Variants in DHTKD1 observed in about 807,000 individuals in gnomAD.
DHTKD1 encodes the protein 2-oxoadipate dehydrogenase complex component E1.
DHTKD1 carries 78 observed loss-of-function variants against 101.8 expected under a neutral mutation model. The observed-to-expected ratio is 0.77, with a 90% CI of 0.64 to 0.93. DHTKD1 has a LOEUF of 0.93. Ranked by LOEUF, DHTKD1 falls within the 40% of genes least tolerant of loss-of-function variation. DHTKD1 has a pLI of 0.00. For missense variants in DHTKD1, 1,223 were observed against 1,161.7 expected (o/e 1.05, Z -0.77); for synonymous variants, 462 against 450.3 (o/e 1.03, Z -0.33).
chr10:12,102,675 G>A (rs1234721220), intron 10 of DHTKD1, among the ~76,000 whole-genome samples: 2 of 152,084 alleles, frequency 1.3e-5, no homozygotes, highest in Non-Finnish European at 2.9e-5. Flanking sequence ...AATGCCTTGT[G>A]TCTGTTTTGT....
At chr10:12,085,398 A>G (rs905486134) in intron 3 of DHTKD1, among the ~76,000 whole-genome samples, 1 of 152,198 alleles carries the variant, frequency 6.6e-6, no homozygotes, top group Admixed American at 6.5e-5. Flanking sequence ...ACAACAGATC[A>G]TATAACACAC....
At chr10:12,069,684 CTTTTTTTTTT>C (rs11292752) in intron 1 of DHTKD1, among the ~76,000 whole-genome samples, 54 of 25,484 alleles carry the variant, frequency 2.1e-3, no homozygotes, top group African/African-American at 4.7e-3. Flanking sequence ...CCACGCCCAG[CTTTTTTTTTT>C]TTTTTTTTTT....
rs1490939558 is a variant in DHTKD1 at position 12,112,923 on chromosome 10, G to C, written c.2178G>C (p.Gly726=). The C allele has an allele frequency of 9.3e-6, 15 of 1,609,874 alleles. No individual in the cohort carries two copies. Among genetic ancestry groups the C allele is most frequent in the African/African-American group, 1.3e-5 (1 of 74,708 alleles). Residue 726 remains glycine (G), a synonymous_variant, in exon 13 of 17, where the codon GGG becomes GGC. Coordinates refer to ENST00000263035, the MANE Select transcript of DHTKD1 (RefSeq NM_018706.7). ...FLQMCDSAEE[G]VDGDTVNMFV... ...AGATGTGTGACAGTGCGGAAGAGGG[G>C]GTGGACGGAGACACTGTGAACATGT... is the stretch of plus-strand genomic sequence containing the variant.
At chr10:12,079,355 G>C (rs1335783322) in intron 1 of DHTKD1, among the ~76,000 whole-genome samples, 1 of 152,168 alleles carries the variant, frequency 6.6e-6, no homozygotes, top group African/African-American at 2.4e-5. Flanking sequence ...GTAGAGCCCA[G>C]GGAAGAATAT....
chr10:12,079,984 A>T (rs1564388559), intron 1 of DHTKD1, among the ~76,000 whole-genome samples: 2 of 152,188 alleles, frequency 1.3e-5, no homozygotes, highest in Admixed American at 6.5e-5. Context: ...TGCTACAAGT[A>T]AAGAGGTGTG....
At chr10:12,084,463 C>A in intron 2 of DHTKD1, 77 bp from the exon 3 acceptor site, 1 of 948,376 alleles carries the variant, frequency 1.1e-6, no homozygotes, top group South Asian at 1.5e-5. Context: ...GAAGAAAATA[C>A]AGTATATAAT....
At chr10:12,097,057 A>G (rs1833081692) in intron 7 of DHTKD1, among the ~76,000 whole-genome samples, 1 of 152,204 alleles carries the variant, frequency 6.6e-6, no homozygotes, top group African/African-American at 2.4e-5. Context: ...TTCATTTATT[A>G]AATTAATTTA....
At chr10:12,089,931 A>G (rs1832960782) in intron 5 of DHTKD1, among the ~76,000 whole-genome samples, 1 of 151,340 alleles carries the variant, frequency 6.6e-6, no homozygotes, top group Admixed American at 6.6e-5. Flanking sequence ...TCAGCCTCCC[A>G]AAGTGCTGAG....
intron 1 of DHTKD1, among the ~76,000 whole-genome samples, chr10:12,071,254 T>TA (rs1832646001): frequency 6.6e-6 from 1 of 152,144 alleles, no homozygotes; most frequent in Admixed American, 6.6e-5. Context: ...GTCCAAAACT[T>TA]AGTCACATGG....
chr10:12,092,630 C>T (rs1055244734), intron 6 of DHTKD1, among the ~76,000 whole-genome samples: 1 of 151,704 alleles, frequency 6.6e-6, no homozygotes, highest in Non-Finnish European at 1.5e-5. Flanking sequence ...ATAGAGAAAC[C>T]CCGTCTCTAA....
Position 12,089,218 on chromosome 10 carries a change from A to G in DHTKD1, c.950A>G (p.Asn317Ser). ...SRQDGDYSPD[N>S]SAQPGDRVIC... ...CAAGACGGCGATTACTCTCCAGACA[A>G]CTCAGCCCAGCCGGGGGACAGGGTC... The change falls in exon 5 of 17, where the codon AAC becomes AGC. Residue 317 changes from asparagine (N) to serine (S), a missense_variant. By Grantham distance (46) the Asn-to-Ser change is conservative. Coordinates refer to ENST00000263035, the MANE Select transcript of DHTKD1 (RefSeq NM_018706.7). 1 of 1,614,114 alleles carries G rather than the reference A, an allele frequency of 6.2e-7. No individual in the cohort carries two copies. Among genetic ancestry groups the G allele is most frequent in the Non-Finnish European group, 8.5e-7 (1 of 1,180,022 alleles).
rs775438065 is a variant in DHTKD1, at chr10:12,112,920, G to C, written c.2175G>C (p.Glu725Asp). ...RFLQMCDSAE[E>D]GVDGDTVNMF... ...CCCAGATGTGTGACAGTGCGGAAGA[G>C]GGGGTGGACGGAGACACTGTGAACA... The change falls in exon 13 of 17, where the codon GAG (glutamate) becomes GAC (aspartate). Residue 725 changes from glutamate to aspartate, a missense_variant. By Grantham distance (45) the Glu-to-Asp change is conservative. Transcript: ENST00000263035. 3 of 1,609,510 alleles carry C rather than the reference G, an allele frequency of 1.9e-6. No homozygotes were observed. Among genetic ancestry groups the C allele is most frequent in the African/African-American group, 1.3e-5 (1 of 74,724 alleles).
At position 12,122,197 on chromosome 10, in the gene DHTKD1, T is replaced by C. The variant is rs1833538521; in HGVS notation, c.*1309T>C. The C allele has an allele frequency of 6.6e-6, 1 of 152,224 alleles. No homozygotes were observed. Among genetic ancestry groups the C allele is most frequent in the African/African-American group, 2.4e-5 (1 of 41,470 alleles). 9.4% of individuals were successfully genotyped at this position (152,224 alleles called of 1,614,324 possible). Reference sequence around the variant, plus strand: ...GCCGTAAACTTGTTTTTCTTTAAATTGTTCTTACAGTGATATCTTACTATT... The same window carrying C: ...GCCGTAAACTTGTTTTTCTTTAAATCGTTCTTACAGTGATATCTTACTATT... On this transcript the variant is annotated 3_prime_UTR_variant, in exon 17 of 17. Coordinates refer to ENST00000263035, the MANE Select transcript of DHTKD1 (RefSeq NM_018706.7).
At chr10:12,093,992 G>C in intron 6 of DHTKD1, 81 bp from the exon 7 acceptor site, 5 of 1,236,864 alleles carry the variant, frequency 4.0e-6, no homozygotes, top group Non-Finnish European at 5.9e-6. Context: ...GCTGTCTTTT[G>C]ATGCAGGAAG....
chr10:12,079,813 C>G (rs916732047), intron 1 of DHTKD1, among the ~76,000 whole-genome samples: 27 of 152,140 alleles, frequency 1.8e-4, no homozygotes, highest in Admixed American at 4.6e-4. Flanking sequence ...AAAATAGAAC[C>G]CTTAGCAATT....
rs545223468 is a variant in DHTKD1, at chr10:12,086,185, T to A, written c.523-1350T>A. Among the ~76,000 whole-genome samples the A allele has an allele frequency of 8.0e-4, 120 of 150,804 alleles. 2 individuals carry two copies. Among genetic ancestry groups the A allele is most frequent in the Middle Eastern group, 6.9e-3 (2 of 290 alleles). The stretch of plus-strand genomic sequence containing the variant: ...ACCTGGCCTTTTAAACAAAATTTTT[T>A]AAAAATTTATTTAAAATTTATTTTT... On this transcript the variant is annotated intron_variant, in intron 3 of 16. Transcript: ENST00000263035.
Position 12,100,307 on chromosome 10 carries a change from T to G in DHTKD1, c.1756+45T>G, listed in dbSNP as rs183780690. On this transcript the variant is annotated intron_variant, in intron 9 of 16. Coordinates refer to ENST00000263035, the MANE Select transcript of DHTKD1 (RefSeq NM_018706.7). ...TTTCTGTTTTTTTTTTTTTTGAGTC[T>G]CACCCTGTCGCCCAGGCTGGAATGC... 6.4e-4 allele frequency: 579 copies of G among 910,088 alleles called. 9 individuals carry two copies. In the Admixed American group the frequency reaches 0.011, roughly 17 times the overall value. The allele number at this position is 910,088 out of a possible 1,614,324, so 56.4% of individuals were successfully genotyped here.
rs1319139602 is a variant in DHTKD1 at position 12,110,951 on chromosome 10, T to A, written c.2155-1949T>A. 3.5e-5 allele frequency among the ~76,000 whole-genome samples: 5 copies of A among 142,568 alleles called. No homozygotes were observed. The South Asian group carries it at 1.1e-3, about 32-fold the overall frequency. 93.5% of individuals were successfully genotyped at this position (142,568 alleles called of 152,430 possible). A position where few individuals can be genotyped will look rare whatever the true frequency, so the allele number is the denominator to read the frequency against. On this transcript the variant is annotated intron_variant, in intron 12 of 16. Coordinates refer to ENST00000263035, the MANE Select transcript of DHTKD1 (RefSeq NM_018706.7). This position sits in a 1 kb window ranked among gnomAD's most constrained non-coding sequence, Gnocchi z 4.9. ...ATCCTCACTACTTGGGAGGCTGAGG[T>A]GGGAGGATCACTTGAGCCTGGGAGG...
chr10:12,120,346 T>C (rs1439286476), intron 16 of DHTKD1, 79 bp downstream of exon 16: 3 of 1,324,894 alleles, frequency 2.3e-6, no homozygotes, highest in African/African-American at 1.5e-5. Flanking sequence ...TTTCTTTTTT[T>C]TTTTTGAGAC....
Sources: gnomAD v4.1 joint callset for allele counts (sites outside exome capture counted in the v4.1 genomes callset) on GRCh38, gnomAD v4.1.1 for gene constraint, Gnocchi (gnomAD v3.1) non-coding constraint, MANE v1.5 for transcripts, NCBI Gene and HGNC (gene_info 2026-07-23, HGNC 2026-07-21) for gene names.